The following GFOD1 variants were observed in gnomAD, a reference collection of about 807,000 sequenced individuals.
GFOD1 encodes the protein Gfo/Idh/MocA-like oxidoreductase domain containing 1.
Under a neutral mutation model 25.4 loss-of-function variants are expected in GFOD1, and 9 were observed. The ratio of observed to expected loss-of-function variants is 0.35; its 90% confidence interval spans 0.21 to 0.62. GFOD1 has a LOEUF of 0.62. GFOD1 is among the 20% of genes least tolerant of loss of function. GFOD1 has a pLI of 0.72. For synonymous variants in GFOD1, 253 were observed against 245.6 expected (o/e 1.03, Z -0.28); for missense variants, 403 against 556.9 (o/e 0.72, Z 2.78).
rs142136392 is a variant in GFOD1 at position 13,428,339 on chromosome 6, G to T, written c.253+58299C>A. 4.0e-3 allele frequency among the ~76,000 whole-genome samples: 616 copies of T among 152,284 alleles called. 4 individuals carry two copies. Among genetic ancestry groups the T allele is most frequent in the Non-Finnish European group, 6.7e-3 (453 of 68,010 alleles). The stretch of plus-strand genomic sequence containing the variant: ...CCACGAGCCTCACTCAGCCCAGAGT[G>T]ACACTTATCACTGGGCCGTGTGAAA... On this transcript the variant is annotated intron_variant, in intron 1 of 1. Coordinates refer to ENST00000379287, the MANE Select transcript of GFOD1 (RefSeq NM_018988.4).
At chr6:13,390,177 G>A (rs1486997066) in intron 1 of GFOD1, among the ~76,000 whole-genome samples, 1 of 152,154 alleles carries the variant, frequency 6.6e-6, no homozygotes, top group Non-Finnish European at 1.5e-5. Flanking sequence ...ATGACATCTG[G>A]AATTCTTAGG....
rs9474025 is a variant in GFOD1 at position 13,364,364 on chromosome 6, C to T, written c.*379G>A. On this transcript the variant is annotated 3_prime_UTR_variant, in exon 2 of 2. Transcript: ENST00000379287. This position sits in a 1 kb window ranked among gnomAD's most constrained non-coding sequence, Gnocchi z 4.1. The stretch of plus-strand genomic sequence containing the variant: ...ATCTGATACTAGTGCCTTGACCTTG[C>T]AGAACCACTTGGCTTGCAGAAGGCC... 0.039 allele frequency: 8,558 copies of T among 218,154 alleles called. 733 individuals are homozygous for T. The highest frequency in any genetic ancestry group is 0.18 in the African/African-American group (7,921 of 43,978). 13.5% of individuals were successfully genotyped at this position (218,154 alleles called of 1,614,324 possible).
intron 1 of GFOD1, among the ~76,000 whole-genome samples, chr6:13,387,496 A>G (rs1785498981): frequency 6.6e-6 from 1 of 152,238 alleles, no homozygotes; most frequent in Non-Finnish European, 1.5e-5. Flanking sequence ...CCATCACATA[A>G]ACAGAACCAA....
intron 1 of GFOD1, among the ~76,000 whole-genome samples, chr6:13,416,437 T>C (rs1213723457): frequency 1.3e-5 from 2 of 152,198 alleles, no homozygotes; most frequent in East Asian, 3.8e-4. Context: ...GAACTTACTT[T>C]AGAAACAGCA....
Position 13,436,818 on chromosome 6 carries a change from G to A in GFOD1, c.253+49820C>T, listed in dbSNP as rs1407886850. 5.3e-5 allele frequency among the ~76,000 whole-genome samples: 8 copies of A among 152,128 alleles called. No homozygotes were observed. The East Asian group carries it at 5.8e-4, about 11-fold the overall frequency. ...ATGAGAAAATGATTGATGAGCTATCGGATTACTCCTATAAAAGGCTTGGCT... is the reference window on the plus strand; with the variant it reads ...ATGAGAAAATGATTGATGAGCTATCAGATTACTCCTATAAAAGGCTTGGCT... On this transcript the variant is annotated intron_variant, in intron 1 of 1. Transcript: ENST00000379287.
chr6:13,370,767 A>G (rs1336627197), intron 1 of GFOD1, among the ~76,000 whole-genome samples: 1 of 152,038 alleles, frequency 6.6e-6, no homozygotes, highest in Non-Finnish European at 1.5e-5. Context: ...GGCACAGAGC[A>G]TTCCTCTCAT....
intron 1 of GFOD1, among the ~76,000 whole-genome samples, chr6:13,368,438 G>A (rs1785088339): frequency 6.6e-6 from 1 of 152,190 alleles, no homozygotes; most frequent in Non-Finnish European, 1.5e-5. Flanking sequence ...GTAACATTAT[G>A]TTCTGACAAT....
At chr6:13,464,288 C>G (rs1187457456) in intron 1 of GFOD1, among the ~76,000 whole-genome samples, 1 of 152,180 alleles carries the variant, frequency 6.6e-6, no homozygotes, top group Non-Finnish European at 1.5e-5. Context: ...GGTTCCAGTG[C>G]CCCCAGCACA....
intron 1 of GFOD1, among the ~76,000 whole-genome samples, chr6:13,474,587 T>C (rs889283604): frequency 2.1e-4 from 32 of 152,150 alleles, no homozygotes; most frequent in African/African-American, 7.7e-4. Context: ...ATGTATCTCA[T>C]TGCATTGCTC....
At chr6:13,412,608 C>T (rs758835967) in intron 1 of GFOD1, among the ~76,000 whole-genome samples, 5 of 152,202 alleles carry the variant, frequency 3.3e-5, no homozygotes, top group Non-Finnish European at 4.4e-5. Flanking sequence ...ATGTCTTTAA[C>T]ATCCACTCCC....
At chr6:13,483,988 C>G (rs58378678) in intron 1 of GFOD1, among the ~76,000 whole-genome samples, 19,680 of 152,198 alleles carry the variant, frequency 0.13, 1,530 homozygotes, top group South Asian at 0.27. Context: ...CAGCCTTGGA[C>G]AGTGTAGAAA....
intron 1 of GFOD1, among the ~76,000 whole-genome samples, chr6:13,449,493 G>C (rs1033946404): frequency 1.3e-5 from 2 of 152,182 alleles, no homozygotes; most frequent in Non-Finnish European, 2.9e-5. Context: ...TCTATTCAAA[G>C]CTCATAGAAA....
intron 1 of GFOD1, among the ~76,000 whole-genome samples, chr6:13,418,612 C>T (rs912331734): frequency 3.9e-5 from 6 of 152,260 alleles, no homozygotes; most frequent in East Asian, 3.9e-4. Flanking sequence ...AGGAATCACC[C>T]GAAGCCCAGA....
intron 1 of GFOD1, among the ~76,000 whole-genome samples, chr6:13,374,784 C>G (rs928827956): frequency 1.6e-4 from 21 of 133,016 alleles, no homozygotes; most frequent in African/African-American, 5.7e-4. Context: ...CTTTTGTTGC[C>G]CAGGCTGGAG....
At chr6:13,462,044 G>A (rs980975260) in intron 1 of GFOD1, among the ~76,000 whole-genome samples, 8 of 152,190 alleles carry the variant, frequency 5.3e-5, no homozygotes, top group African/African-American at 1.9e-4. Context: ...GTTGTGTAAC[G>A]CTGGGCAAGG....
chr6:13,460,864 T>G (rs1174321162), intron 1 of GFOD1, among the ~76,000 whole-genome samples: 1 of 152,196 alleles, frequency 6.6e-6, no homozygotes, highest in Non-Finnish European at 1.5e-5. Flanking sequence ...AAAAAGGGTT[T>G]GCAGGAGTAA....
rs373896526 is a variant in GFOD1, at chr6:13,486,247, T to TCC, written c.253+389_253+390dup. 2.9e-3 allele frequency: 340 copies of TCC among 118,618 alleles called. 8 individuals are homozygous for TCC. The highest frequency in any genetic ancestry group is 0.017 in the African/African-American group (180 of 10,868). 7.3% of individuals were successfully genotyped at this position (118,618 alleles called of 1,614,324 possible). Reference sequence around the variant, plus strand: ...CGCACAACCCTCCTCCACCCCCCCATCCCCCCCCCCCACACACACACACTT... The same window carrying TCC: ...CGCACAACCCTCCTCCACCCCCCCATCCCCCCCCCCCCCACACACACACACTT... On this transcript the variant is annotated intron_variant, in intron 1 of 1. Transcript: ENST00000379287.
chr6:13,460,008 C>A (rs1758264394), intron 1 of GFOD1, among the ~76,000 whole-genome samples: 1 of 152,204 alleles, frequency 6.6e-6, no homozygotes, highest in African/African-American at 2.4e-5. Flanking sequence ...GTGTTGTGTG[C>A]CTGTAATCCC....
At chr6:13,410,582 G>GAGAGAGAC in intron 1 of GFOD1, among the ~76,000 whole-genome samples, 1 of 28,050 alleles carries the variant, frequency 3.6e-5, no homozygotes. Flanking sequence ...AGAAAGGAGA[G>GAGAGAGAC]AGAGAGAGAG....
Sources: gnomAD v4.1 joint callset for allele counts (sites outside exome capture counted in the v4.1 genomes callset) on GRCh38, gnomAD v4.1.1 for gene constraint, Gnocchi (gnomAD v3.1) non-coding constraint, MANE v1.5 for transcripts, NCBI Gene and HGNC (gene_info 2026-07-23, HGNC 2026-07-21) for gene names.